APBA2: variants seen among roughly 807,000 people sequenced by gnomAD.
APBA2 encodes the protein amyloid-beta A4 precursor protein-binding family A member 2.
APBA2 carries 30 observed loss-of-function variants against 75.0 expected under a neutral mutation model. The observed-to-expected ratio is 0.40, with a 90% CI of 0.30 to 0.54. APBA2 has a LOEUF of 0.54. APBA2 is among the 20% of genes least tolerant of loss of function. The pLI is 0.49. For synonymous variants in APBA2, 444 were observed against 409.6 expected (o/e 1.08, Z -1.01); for missense variants, 801 against 1,016.1 (o/e 0.79, Z 2.88).
rs147611871 is a variant in APBA2, at chr15:29,087,467, C to T, written c.1070-5608C>T. Reference sequence around the variant, plus strand: ...TGTCTAAAGTTCAACACTGTGGAACCCCCAAATCCCTTTTATCAGTGACAA... The same window carrying T: ...TGTCTAAAGTTCAACACTGTGGAACTCCCAAATCCCTTTTATCAGTGACAA... On this transcript the variant is annotated intron_variant, in intron 6 of 14. Transcript: ENST00000683413. Among the ~76,000 whole-genome samples the T allele has an allele frequency of 6.6e-3, 998 of 152,232 alleles. 10 individuals carry two copies. The highest frequency in any genetic ancestry group is 0.023 in the African/African-American group (966 of 41,532).
chr15:29,048,614 A>G (rs1259728903), intron 3 of APBA2, among the ~76,000 whole-genome samples: 1 of 152,132 alleles, frequency 6.6e-6, no homozygotes, highest in East Asian at 1.9e-4. Flanking sequence ...TAGAAAGTCC[A>G]GGGACAGATC....
At position 29,041,821 on chromosome 15, in the gene APBA2, C is replaced by T. The variant is rs12440608; in HGVS notation, c.-40-12024C>T. 9.5e-3 allele frequency among the ~76,000 whole-genome samples: 1,454 copies of T among 152,264 alleles called. 41 individuals are homozygous for T. The highest frequency in any genetic ancestry group is 0.059 in the Admixed American group (903 of 15,296). On this transcript the variant is annotated intron_variant, in intron 3 of 14. Transcript: ENST00000683413. ...TCAATAGTGGAAACAATGGTTAGAT[C>T]CCTGGTGAAAAAATATTCCTGATTA...
chr15:29,067,763 T>A (rs991412315), intron 4 of APBA2, among the ~76,000 whole-genome samples: 3 of 152,258 alleles, frequency 2.0e-5, no homozygotes, highest in Admixed American at 2.0e-4. Flanking sequence ...TAAAGTTAAC[T>A]GGATCATTGG....
chr15:28,947,493 G>A (rs561173290), intron 2 of APBA2, among the ~76,000 whole-genome samples: 1 of 152,322 alleles, frequency 6.6e-6, no homozygotes, highest in Admixed American at 6.5e-5. Flanking sequence ...CATGAGTGCT[G>A]TGTTCCTTGA....
intron 2 of APBA2, among the ~76,000 whole-genome samples, chr15:28,927,065 C>T (rs920689104): frequency 3.9e-5 from 6 of 151,920 alleles, no homozygotes; most frequent in Non-Finnish European, 1.5e-5. Context: ...CCATGTTGTC[C>T]GTGGCTGGTC....
chr15:28,908,534 C>G (rs146330640), intron 1 of APBA2, among the ~76,000 whole-genome samples: 1 of 152,014 alleles, frequency 6.6e-6, no homozygotes, highest in Non-Finnish European at 1.5e-5. Flanking sequence ...TGGTCTCGAT[C>G]TCCTGACCTC....
intron 1 of APBA2, among the ~76,000 whole-genome samples, chr15:28,892,924 G>T (rs1165198054): frequency 6.6e-6 from 1 of 152,208 alleles, no homozygotes; most frequent in Admixed American, 6.5e-5. Flanking sequence ...AGGGATGATG[G>T]ATTTCTCAGG....
chr15:29,101,606 T>A lies in APBA2; in HGVS notation c.1346T>A (p.Met449Lys). The change falls in exon 10 of 15, where the codon ATG becomes AAG. Residue 449 changes from methionine (M) to lysine (K), a missense_variant. Physicochemically the swap from Met to Lys is moderately conservative, Grantham distance 95 (BLOSUM62 -1). Transcript: ENST00000683413. ...CTGTCTCCCTCCCGACAGGAAACCA[T>A]GATGGACCACGCCTTGCGTACCATC... ...KVLNADTQET[M>K]MDHALRTISY... 6.2e-7 allele frequency: 1 copy of A among 1,613,338 alleles called. No individual in the cohort carries two copies. Among genetic ancestry groups the A allele is most frequent in the Non-Finnish European group, 8.5e-7 (1 of 1,179,852 alleles).
At chr15:29,017,404 T>C (rs1214663566) in intron 3 of APBA2, among the ~76,000 whole-genome samples, 7 of 134,258 alleles carry the variant, frequency 5.2e-5, no homozygotes, top group Non-Finnish European at 8.2e-5. Flanking sequence ...TTTCTTTTTT[T>C]TTTTTTTTTT....
intron 3 of APBA2, among the ~76,000 whole-genome samples, chr15:29,020,976 G>C (rs764379755): frequency 2.6e-4 from 40 of 152,234 alleles, no homozygotes; most frequent in Non-Finnish European, 4.7e-4. Flanking sequence ...AAGCGTTCTG[G>C]GGGGTCGGGA....
At chr15:29,048,417 T>C (rs1395669758) in intron 3 of APBA2, among the ~76,000 whole-genome samples, 1 of 152,208 alleles carries the variant, frequency 6.6e-6, no homozygotes, top group Non-Finnish European at 1.5e-5. Context: ...CAGTGGAATA[T>C]TGGGGATACT....
intron 1 of APBA2, among the ~76,000 whole-genome samples, chr15:28,887,744 T>G (rs1397260959): frequency 6.6e-6 from 1 of 152,028 alleles, no homozygotes; most frequent in Non-Finnish European, 1.5e-5. Flanking sequence ...TGGGTAAAGC[T>G]GGAGCTTGTG....
At chr15:29,089,680 T>A (rs986736570) in intron 6 of APBA2, among the ~76,000 whole-genome samples, 3 of 152,188 alleles carry the variant, frequency 2.0e-5, no homozygotes, top group Non-Finnish European at 2.9e-5. Flanking sequence ...CCTAGGGTTT[T>A]CCTAAGCGGT....
intron 14 of APBA2, among the ~76,000 whole-genome samples, chr15:29,116,789 C>A (rs1042300474): frequency 6.6e-5 from 10 of 152,182 alleles, no homozygotes; most frequent in Non-Finnish European, 1.3e-4. Context: ...CAATTTCTCA[C>A]CCCTCGGGTG....
At chr15:29,040,695 AACATTCTCT>A (rs1438641928) in intron 3 of APBA2, among the ~76,000 whole-genome samples, 11 of 152,250 alleles carry the variant, frequency 7.2e-5, no homozygotes, top group African/African-American at 2.7e-4. Flanking sequence ...CATGAAAATC[AACATTCTCT>A]ACATTCTCAA....
At chr15:28,952,950 A>G (rs1455412643) in intron 2 of APBA2, among the ~76,000 whole-genome samples, 1 of 152,208 alleles carries the variant, frequency 6.6e-6, no homozygotes, top group African/African-American at 2.4e-5. Flanking sequence ...TCAGAGCCCT[A>G]GTCCATGCTC....
chr15:28,985,210 ACGGC>A (rs1170473946), intron 2 of APBA2, among the ~76,000 whole-genome samples: 1 of 152,184 alleles, frequency 6.6e-6, no homozygotes, highest in Non-Finnish European at 1.5e-5. Context: ...GAGGCTGAGC[ACGGC>A]TGCTGTGCTC....
chr15:28,896,179 C>T (rs1183909344), intron 1 of APBA2, among the ~76,000 whole-genome samples: 3 of 152,188 alleles, frequency 2.0e-5, no homozygotes, highest in Middle Eastern at 3.2e-3. Flanking sequence ...GAGAGCACCT[C>T]TGTGAGTAGA....
intron 2 of APBA2, among the ~76,000 whole-genome samples, chr15:28,926,859 T>C (rs868319276): frequency 5.6e-4 from 81 of 145,596 alleles, no homozygotes; most frequent in Middle Eastern, 3.5e-3. Flanking sequence ...CTCTCTCTCT[T>C]TTTTTTTTTT....
Sources: gnomAD v4.1 joint callset for allele counts (sites outside exome capture counted in the v4.1 genomes callset) on GRCh38, gnomAD v4.1.1 for gene constraint, MANE v1.5 for transcripts, NCBI Gene and HGNC (gene_info 2026-07-23, HGNC 2026-07-21) for gene names.